The following DNAH9 variants were observed in gnomAD, a reference collection of about 807,000 sequenced individuals.
DNAH9 encodes dynein axonemal heavy chain 9.
In DNAH9, 345 loss-of-function variants were observed where a neutral mutation model predicts 471.6. The ratio of observed to expected loss-of-function variants is 0.73; its 90% CI spans 0.67 to 0.80. The LOEUF is 0.80. Ranked by LOEUF, DNAH9 falls within the 30% of genes least tolerant of loss-of-function variation. The pLI, the probability that DNAH9 is intolerant of heterozygous loss-of-function variation, is 0.00. For missense variants in DNAH9, 5,407 were observed against 5,609.2 expected (o/e 0.96, Z 1.15); for synonymous variants, 2,093 against 2,123.6 (o/e 0.99, Z 0.40).
At position 11,937,847 on chromosome 17, in the gene DNAH9, C is replaced by T. The variant is rs1974764768; in HGVS notation, c.12660+325C>T. ...GGGCTGAACAGTGGTGGCTTGGGAACCTTGAATGTGACTTCTTGATCCCCT... is the reference window on the plus strand; with the variant it reads ...GGGCTGAACAGTGGTGGCTTGGGAATCTTGAATGTGACTTCTTGATCCCCT... On this transcript the variant is annotated intron_variant, in intron 66 of 68. Transcript: ENST00000262442. The surrounding 1 kb of genome is among the most constrained non-coding windows in gnomAD (Gnocchi z 4.1). Among the ~76,000 whole-genome samples the T allele has an allele frequency of 6.6e-6, 1 of 152,162 alleles. No homozygotes were observed. Among genetic ancestry groups the T allele is most frequent in the Non-Finnish European group, 1.5e-5 (1 of 68,034 alleles).
chr17:11,615,146 G>A (rs2072715371), intron 4 of DNAH9, among the ~76,000 whole-genome samples: 1 of 152,116 alleles, frequency 6.6e-6, no homozygotes, highest in Non-Finnish European at 1.5e-5. Context: ...GACATGGTAG[G>A]AATACTGGGA....
At chr17:11,700,975 C>A in intron 23 of DNAH9, 147 bp from the exon 24 acceptor site, 2 of 760,410 alleles carry the variant, frequency 2.6e-6, no homozygotes, top group Non-Finnish European at 4.4e-6. Flanking sequence ...AACAGCACAT[C>A]TCTCTGCACC....
intron 35 of DNAH9, among the ~76,000 whole-genome samples, chr17:11,762,923 G>A (rs1015824031): frequency 6.6e-6 from 1 of 151,590 alleles, no homozygotes; most frequent in Non-Finnish European, 1.5e-5. Context: ...GGGAGTACAG[G>A]TGCCCGCCAC....
At chr17:11,709,128 T>C (rs137982899) in intron 26 of DNAH9, among the ~76,000 whole-genome samples, 1 of 152,298 alleles carries the variant, frequency 6.6e-6, no homozygotes, top group Admixed American at 6.5e-5. Flanking sequence ...AGGTCTCTAG[T>C]ATACTAGTGC....
At chr17:11,770,260 C>A (rs1175128744) in intron 38 of DNAH9, among the ~76,000 whole-genome samples, 1 of 152,228 alleles carries the variant, frequency 6.6e-6, no homozygotes, top group African/African-American at 2.4e-5. Context: ...GTGTGCACCA[C>A]CACTTGCTCT....
intron 53 of DNAH9, among the ~76,000 whole-genome samples, chr17:11,876,977 C>T (rs1430045706): frequency 6.6e-6 from 1 of 151,892 alleles, no homozygotes; most frequent in Non-Finnish European, 1.5e-5. Flanking sequence ...CTGCCTGCCT[C>T]AGCCTCCCAA....
chr17:11,664,705 A>G, intron 14 of DNAH9, 128 bp from the exon 15 acceptor site: 2 of 744,582 alleles, frequency 2.7e-6, no homozygotes, highest in East Asian at 2.7e-5. Flanking sequence ...GATTCGATAC[A>G]TGTGTAATAG....
rs35741238 is a variant in DNAH9 at position 11,794,036 on chromosome 17, A to ATTTT, written c.8223+395_8223+398dup. 1.3e-3 allele frequency among the ~76,000 whole-genome samples: 109 copies of ATTTT among 80,896 alleles called. 6 individuals are homozygous for ATTTT. The highest frequency in any genetic ancestry group is 5.4e-3 in the African/African-American group (106 of 19,636). 53.1% of individuals were successfully genotyped at this position (80,896 alleles called of 152,430 possible). ...TGCTAATAACTGGAAATTTTGAGCA[A>ATTTT]TTTTTTTTTTTTTTTTTTTTTTTTT... On this transcript the variant is annotated intron_variant, in intron 42 of 68. Transcript: ENST00000262442.
intron 9 of DNAH9, among the ~76,000 whole-genome samples, chr17:11,637,220 T>C (rs1376545799): frequency 1.3e-5 from 2 of 152,184 alleles, no homozygotes; most frequent in African/African-American, 4.8e-5. Flanking sequence ...CAAAGGGCAG[T>C]ACCATGCCAA....
intron 41 of DNAH9, among the ~76,000 whole-genome samples, chr17:11,792,205 C>T (rs1418821593): frequency 1.3e-5 from 2 of 151,934 alleles, no homozygotes; most frequent in East Asian, 1.9e-4. Context: ...ACCTGGGAGG[C>T]GGAGGTTGCA....
chr17:11,788,276 A>G (rs1380513621), intron 41 of DNAH9, among the ~76,000 whole-genome samples: 1 of 152,238 alleles, frequency 6.6e-6, no homozygotes, highest in Non-Finnish European at 1.5e-5. Flanking sequence ...AGAAGGAGAC[A>G]GAGGCTGCAA....
intron 38 of DNAH9, among the ~76,000 whole-genome samples, chr17:11,780,286 C>G (rs535271166): frequency 6.6e-6 from 1 of 152,346 alleles, no homozygotes; most frequent in East Asian, 1.9e-4. Context: ...CTGGAAGCAT[C>G]TGGGAAATTC....
Position 11,923,933 on chromosome 17 carries a change from A to G in DNAH9, c.11869A>G (p.Ile3957Val). Residue 3957 changes from isoleucine to valine, a missense_variant, in exon 62 of 69, where the codon ATT becomes GTT. By Grantham distance (29) the Ile-to-Val change is conservative (BLOSUM62 3). Transcript: ENST00000262442. ...CGCTGCCAAGAAAGGTCACTGGGTT[A>G]TTTTGCAGGTATGTTCCTCTACCCT... ...DLAAKKGHWVILQNIHLVAKW... is the reference protein window; with the variant it reads ...DLAAKKGHWVVLQNIHLVAKW... 2 of 1,613,742 alleles carry G rather than the reference A, an allele frequency of 1.2e-6. No individual in the cohort carries two copies. The highest frequency in any genetic ancestry group is 2.7e-5 in the African/African-American group (2 of 75,014).
At chr17:11,648,206 A>T (rs746046170) in intron 12 of DNAH9, among the ~76,000 whole-genome samples, 1 of 152,226 alleles carries the variant, frequency 6.6e-6, no homozygotes, top group Non-Finnish European at 1.5e-5. Context: ...TGCACTATAG[A>T]TTGAGCTGAA....
chr17:11,744,338 C>T (rs1187124533), intron 30 of DNAH9, among the ~76,000 whole-genome samples: 1 of 152,140 alleles, frequency 6.6e-6, no homozygotes, highest in African/African-American at 2.4e-5. Flanking sequence ...GCACTGTGAC[C>T]AGGGGGTTCA....
At chr17:11,761,379 C>T (rs4792170) in intron 35 of DNAH9, among the ~76,000 whole-genome samples, 8 of 152,188 alleles carry the variant, frequency 5.3e-5, no homozygotes, top group South Asian at 4.1e-4. Flanking sequence ...GCTGTAAAAG[C>T]GGGGTGGAGA....
chr17:11,856,714 A>T (rs903508681), intron 50 of DNAH9, among the ~76,000 whole-genome samples: 10 of 152,088 alleles, frequency 6.6e-5, no homozygotes, highest in Admixed American at 3.3e-4. Flanking sequence ...TCAGAAAAAA[A>T]AAAAGAACTT....
chr17:11,670,626 C>G (rs1211920898), intron 17 of DNAH9, among the ~76,000 whole-genome samples: 1 of 152,112 alleles, frequency 6.6e-6, no homozygotes, highest in Non-Finnish European at 1.5e-5. Context: ...AGAATTTTAT[C>G]TATCTACAAA....
Position 11,905,590 on chromosome 17 carries a change from C to CT in DNAH9, c.11601-70dup. The CT allele has an allele frequency of 2.0e-6, 3 of 1,520,366 alleles. No homozygotes were observed. The South Asian group carries it at 3.7e-5, about 19-fold the overall frequency. The allele number at this position is 1,520,366 out of a possible 1,614,324, so 94.2% of individuals were successfully genotyped here. On this transcript the variant is annotated intron_variant, in intron 60 of 68. Coordinates refer to ENST00000262442, the MANE Select transcript of DNAH9 (RefSeq NM_001372.4). Reference sequence around the variant, plus strand: ...CATGTTCTTTCATTTCTATAGGCCTCTATTTCTCAAATGTTACCATTTTGT... The same window carrying CT: ...CATGTTCTTTCATTTCTATAGGCCTCTTATTTCTCAAATGTTACCATTTTGT...
Sources: gnomAD v4.1 joint callset for allele counts (sites outside exome capture counted in the v4.1 genomes callset) on GRCh38, gnomAD v4.1.1 for gene constraint, Gnocchi (gnomAD v3.1) non-coding constraint, MANE v1.5 for transcripts, NCBI Gene and HGNC (gene_info 2026-07-23, HGNC 2026-07-21) for gene names.